Variants in NRXN1 observed in about 807,000 individuals in gnomAD.
NRXN1 encodes neurexin 1, also known as neurexin-1.
In NRXN1, 39 loss-of-function variants were observed where a neutral mutation model predicts 150.9. The observed-to-expected ratio is 0.26, with a 90% CI of 0.20 to 0.34. The LOEUF (loss-of-function observed/expected upper bound fraction) is 0.34. Among genes scored for constraint, NRXN1 ranks in the 10% least tolerant of loss-of-function variants. The pLI is 1.00. For missense variants in NRXN1, 1,815 were observed against 1,949.9 expected, an observed-to-expected ratio of 0.93 and a Z score of 1.30; for synonymous variants, 924 against 757.0, an observed-to-expected ratio of 1.22 and a Z score of -3.62.
intron 17 of NRXN1, among the ~76,000 whole-genome samples, chr2:50,241,414 AT>A (rs2065988528): frequency 6.6e-6 from 1 of 151,784 alleles, no homozygotes; most frequent in African/African-American, 2.4e-5. Context: ...CACCTTTATT[AT>A]TTATGCATGT....
intron 18 of NRXN1, among the ~76,000 whole-genome samples, chr2:50,095,804 T>C (rs1700138654): frequency 6.6e-6 from 1 of 151,128 alleles, no homozygotes; most frequent in Non-Finnish European, 1.5e-5. Context: ...TTTTTTATTA[T>C]ACTTTAATTT....
chr2:49,975,365 G>A (rs1229618885), intron 21 of NRXN1, among the ~76,000 whole-genome samples: 2 of 152,032 alleles, frequency 1.3e-5, no homozygotes, highest in East Asian at 3.9e-4. Context: ...ATCTTTTAGA[G>A]TCTGGCAACA....
At chr2:50,169,110 T>A (rs1459468855) in intron 18 of NRXN1, among the ~76,000 whole-genome samples, 1 of 152,152 alleles carries the variant, frequency 6.6e-6, no homozygotes, top group Non-Finnish European at 1.5e-5. Context: ...ATACAATAGC[T>A]CATTTAATTA....
chr2:50,377,728 T>C (rs1256979713), intron 17 of NRXN1, among the ~76,000 whole-genome samples: 1 of 152,178 alleles, frequency 6.6e-6, no homozygotes, highest in Non-Finnish European at 1.5e-5. Flanking sequence ...TGTCACTACG[T>C]ACTTATGAAA....
chr2:49,998,919 C>T (rs1199742718), intron 21 of NRXN1, among the ~76,000 whole-genome samples: 1 of 152,160 alleles, frequency 6.6e-6, no homozygotes. Flanking sequence ...CTTCCTGCTT[C>T]CATCAACTCC....
chr2:50,793,273 A>G (rs1159915490), intron 5 of NRXN1, among the ~76,000 whole-genome samples: 4 of 152,116 alleles, frequency 2.6e-5, no homozygotes, highest in African/African-American at 9.7e-5. Context: ...TTAATTGTCA[A>G]TGGTATGAAA....
intron 18 of NRXN1, among the ~76,000 whole-genome samples, chr2:50,191,718 A>G (rs1366083059): frequency 6.6e-6 from 1 of 152,188 alleles, no homozygotes; most frequent in East Asian, 1.9e-4. Context: ...CATTCAGCAT[A>G]GTTCCCCTGA....
chr2:50,891,355 A>G (rs1190071048), intron 5 of NRXN1, among the ~76,000 whole-genome samples: 1 of 152,070 alleles, frequency 6.6e-6, no homozygotes, highest in Non-Finnish European at 1.5e-5. Context: ...CAGACTGACC[A>G]TAAAGCACAG....
chr2:50,082,716 T>G (rs192868702), intron 19 of NRXN1, among the ~76,000 whole-genome samples: 1 of 152,328 alleles, frequency 6.6e-6, no homozygotes, highest in East Asian at 1.9e-4. Flanking sequence ...CATGAGTTGC[T>G]ATCCTACTTT....
At chr2:50,644,381 T>C (rs1368489096) in intron 5 of NRXN1, among the ~76,000 whole-genome samples, 2 of 151,876 alleles carry the variant, frequency 1.3e-5, no homozygotes, top group Admixed American at 6.6e-5. Context: ...GCCATCAAGC[T>C]ATACTACTTT....
chr2:50,999,620 A>G (rs777744461), intron 2 of NRXN1, among the ~76,000 whole-genome samples: 1 of 151,962 alleles, frequency 6.6e-6, no homozygotes, highest in Non-Finnish European at 1.5e-5. Flanking sequence ...ACACTTAGGG[A>G]AAATAGAAAA....
In NRXN1 at chr2:50,329,834, C is replaced by T. The variant is rs555740216; in HGVS notation, c.3365-92864G>A. ...GAATATAGGCATGTGCCACCATGCC[C>T]GGCTAATTTTTTTAATTTTAATAGA... On this transcript the variant is annotated intron_variant, in intron 17 of 22. Coordinates refer to ENST00000401669, the MANE Select transcript of NRXN1 (RefSeq NM_001330078.2). Among the ~76,000 whole-genome samples, 11 of 150,270 alleles carry T rather than the reference C, an allele frequency of 7.3e-5. 1 individual carries two copies. The highest frequency in any genetic ancestry group is 5.3e-4 in the Admixed American group (8 of 15,022).
chr2:50,553,585 GA>G (rs530747800), intron 8 of NRXN1, among the ~76,000 whole-genome samples: 2 of 151,900 alleles, frequency 1.3e-5, no homozygotes. Context: ...ACATTTCTCA[GA>G]AAAAAAATAT....
At chr2:50,100,108 C>G (rs990752236) in intron 18 of NRXN1, among the ~76,000 whole-genome samples, 1 of 152,068 alleles carries the variant, frequency 6.6e-6, no homozygotes, top group Non-Finnish European at 1.5e-5. Context: ...TAGAAAAACT[C>G]TAAGATTTTA....
chr2:50,494,682 C>G (rs748469089), intron 15 of NRXN1, among the ~76,000 whole-genome samples: 1 of 152,132 alleles, frequency 6.6e-6, no homozygotes, highest in Non-Finnish European at 1.5e-5. Context: ...TTACAGAAAG[C>G]AAAACACTTT....
At position 50,515,600 on chromosome 2, in the gene NRXN1, G is replaced by GGTGTGTGTGT. The variant is rs60612860; in HGVS notation, c.2375-8993_2375-8984dup. On this transcript the variant is annotated intron_variant, in intron 12 of 22. Transcript: ENST00000401669. ...ATAGAAACATTCATTAAATGCTTGG[G>GGTGTGTGTGT]GTGTGTGTGTGTGTGTGTGTGTGTG... Among the ~76,000 whole-genome samples the GGTGTGTGTGT allele has an allele frequency of 7.7e-3, 1,109 of 143,494 alleles. 14 individuals carry two copies. The highest frequency in any genetic ancestry group is 0.025 in the African/African-American group (987 of 38,714). The allele number at this position is 143,494 out of a possible 152,430, so 94.1% of individuals were successfully genotyped here.
chr2:50,658,987 T>G (rs746889189), intron 5 of NRXN1, among the ~76,000 whole-genome samples: 6 of 152,012 alleles, frequency 3.9e-5, no homozygotes, highest in Non-Finnish European at 4.4e-5. Context: ...AAAGATAGCT[T>G]CAGGGAAGTC....
intron 21 of NRXN1, among the ~76,000 whole-genome samples, chr2:50,051,345 T>C (rs185131840): frequency 4.6e-5 from 7 of 151,998 alleles, no homozygotes; most frequent in Admixed American, 3.3e-4. Flanking sequence ...ATATAGGAGA[T>C]TTGGCAACTG....
rs200453706 is a variant in NRXN1 at position 50,584,485 on chromosome 2, CT to C, written c.1321-31461del. On this transcript the variant is annotated intron_variant, in intron 8 of 22. Coordinates refer to ENST00000401669, the MANE Select transcript of NRXN1 (RefSeq NM_001330078.2). Reference sequence around the variant, plus strand: ...TATTTATTCCCTACCAACCATCTATCTTTTTTTATGTTTAACAATTTTAAAA... The same window carrying C: ...TATTTATTCCCTACCAACCATCTATCTTTTTTATGTTTAACAATTTTAAAA... Among the ~76,000 whole-genome samples, 106 of 152,232 alleles carry C rather than the reference CT, an allele frequency of 7.0e-4. No homozygotes were observed. The East Asian group carries it at 0.017, about 24-fold the overall frequency.
Sources: gnomAD v4.1 joint callset for allele counts (sites outside exome capture counted in the v4.1 genomes callset) on GRCh38, gnomAD v4.1.1 for gene constraint, MANE v1.5 for transcripts, NCBI Gene and HGNC (gene_info 2026-07-23, HGNC 2026-07-21) for gene names.